The following PINK1 variants were observed in gnomAD, a reference collection of about 807,000 sequenced individuals.
PINK1 encodes serine/threonine-protein kinase PINK1, mitochondrial.
PINK1 carries 58 observed loss-of-function variants against 56.0 expected under a neutral mutation model. The ratio of observed to expected loss-of-function variants is 1.04; its 90% CI spans 0.84 to 1.29. The LOEUF (loss-of-function observed/expected upper bound fraction) is 1.29. Among genes scored for constraint, PINK1 ranks in the 50% most tolerant of loss-of-function variants. The probability of loss-of-function intolerance (pLI) is 0.00; values close to 1 mark genes in which losing one functional copy is unlikely to be tolerated. For missense variants in PINK1, 745 were observed against 777.9 expected (o/e 0.96, Z 0.50); for synonymous variants, 354 against 339.3 (o/e 1.04, Z -0.48).
chr1:20,643,262 AG>A (rs1156699089), intron 3 of PINK1: 1 of 152,232 alleles, frequency 6.6e-6, no homozygotes, highest in Non-Finnish European at 1.5e-5. Context: ...CTTTGGCTGA[AG>A]GGCAGGGCTG....
chr1:20,650,865 C>T lies in PINK1; in HGVS notation c.*174C>T, dbSNP rs2053262968. 3.6e-6 allele frequency: 3 copies of T among 830,076 alleles called. No homozygotes were observed. The highest frequency in any genetic ancestry group is 5.7e-6 in the Non-Finnish European group (3 of 523,144). The allele number at this position is 830,076 out of a possible 1,614,324, so 51.4% of individuals were successfully genotyped here. A position where few individuals can be genotyped will look rare whatever the true frequency, so the allele number is the denominator to read the frequency against. ...AGAACTTGAGTGAGAGTTCAGTCTG[C>T]AGTCCTCTGCTCACAGACATCTGAA... On this transcript the variant is annotated 3_prime_UTR_variant, in exon 8 of 8. Transcript: ENST00000321556.
At chr1:20,642,023 C>G (rs879089) in intron 3 of PINK1, among the ~76,000 whole-genome samples, 12 of 152,058 alleles carry the variant, frequency 7.9e-5, no homozygotes, top group Admixed American at 7.9e-4. Flanking sequence ...AGGGTGGAAA[C>G]GATGCTCTGG....
At chr1:20,646,304 A>C (rs1212383038) in intron 5 of PINK1, among the ~76,000 whole-genome samples, 2 of 152,012 alleles carry the variant, frequency 1.3e-5, no homozygotes, top group Non-Finnish European at 1.5e-5. Context: ...TCAAAAAAAT[A>C]ATAAAAAATA....
chr1:20,645,087 T>C (rs1298119208), intron 4 of PINK1, among the ~76,000 whole-genome samples: 2 of 152,184 alleles, frequency 1.3e-5, no homozygotes, highest in African/African-American at 2.4e-5. Flanking sequence ...TCTTACTTCC[T>C]AATTTGAGGA....
Position 20,636,648 on chromosome 1 carries a change from T to G in PINK1, c.388-1194T>G, listed in dbSNP as rs1376905280. On this transcript the variant is annotated intron_variant, in intron 1 of 7. Transcript: ENST00000321556. ...TGAGCCACCACGCCCGGCCTGGACT[T>G]TCATTTTTTTAAAAGGTTCAAAGTT... 2.0e-5 allele frequency among the ~76,000 whole-genome samples: 3 copies of G among 152,162 alleles called. No individual in the cohort carries two copies. In the East Asian group the frequency reaches 5.8e-4, roughly 29 times the overall value.
At chr1:20,639,564 A>G (rs2053092856) in intron 2 of PINK1, 1 of 391,822 alleles carries the variant, frequency 2.6e-6, no homozygotes. Context: ...CCAGTGGTCA[A>G]TTTTGAACTG....
chr1:20,643,440 G>A (rs930717063), intron 3 of PINK1, among the ~76,000 whole-genome samples: 1 of 152,212 alleles, frequency 6.6e-6, no homozygotes, highest in Admixed American at 6.5e-5. Context: ...ATTCAACAAA[G>A]GTTTATTACA....
At position 20,637,859 on chromosome 1, in the gene PINK1, A is replaced by G. The variant is rs1371490075; in HGVS notation, c.405A>G (p.Lys135=). 1 of 1,614,010 alleles carries G rather than the reference A, an allele frequency of 6.2e-7. No homozygotes were observed. The highest frequency in any genetic ancestry group is 8.5e-7 in the Non-Finnish European group (1 of 1,180,048). Residue 135 remains lysine (K), a synonymous_variant, in exon 2 of 8, where the codon AAA becomes AAG. Coordinates refer to ENST00000321556, the MANE Select transcript of PINK1 (RefSeq NM_032409.3). ...CQEIQAIFTQ[K]SKPGPDPLDT... is the part of the protein sequence containing the mutation. ...CATCACAGGCAATTTTTACCCAGAA[A>G]AGCAAGCCGGGGCCTGACCCGTTGG... is the stretch of plus-strand genomic sequence containing the variant.
In PINK1 at chr1:20,641,865, C is replaced by T. The variant is rs1427183896; in HGVS notation, c.776+1873C>T. Among the ~76,000 whole-genome samples the T allele has an allele frequency of 1.3e-5, 2 of 152,182 alleles. No homozygotes were observed. The highest frequency in any genetic ancestry group is 2.9e-5 in the Non-Finnish European group (2 of 68,050). ...AGCTGGCTATACCTGGGCTGCCCTCCTCCCACATTTCAGGTCTCAGTTCAG... is the reference window on the plus strand; with the variant it reads ...AGCTGGCTATACCTGGGCTGCCCTCTTCCCACATTTCAGGTCTCAGTTCAG... On this transcript the variant is annotated intron_variant, in intron 3 of 7. Coordinates refer to ENST00000321556, the MANE Select transcript of PINK1 (RefSeq NM_032409.3). The surrounding 1 kb of genome is among the most constrained non-coding windows in gnomAD (Gnocchi z 4.0).
intron 4 of PINK1, 32 bp from the exon 5 acceptor site, chr1:20,645,528 G>A (rs1279768664): frequency 6.2e-7 from 1 of 1,604,018 alleles, no homozygotes; most frequent in East Asian, 2.2e-5. Context: ...GTCGATGTGT[G>A]GTAGCCAGAG....
chr1:20,648,227 T>C, intron 5 of PINK1: 1 of 480,452 alleles, frequency 2.1e-6, no homozygotes, highest in South Asian at 2.1e-5. Flanking sequence ...CTAGCTCCTT[T>C]GGTCTTGGGG....
intron 2 of PINK1, 65 bp from the exon 3 acceptor site, chr1:20,639,827 G>A (rs1382830491): frequency 1.4e-6 from 2 of 1,452,612 alleles, no homozygotes; most frequent in African/African-American, 2.8e-5. Context: ...TACAGGCAGG[G>A]CTTACAAGGA....
intron 6 of PINK1, 179 bp from the exon 7 acceptor site, chr1:20,648,816 G>A: frequency 3.9e-6 from 5 of 1,279,238 alleles, no homozygotes; most frequent in African/African-American, 1.5e-5. Flanking sequence ...GAGAATGCAA[G>A]TCCTGTCACA....
chr1:20,633,468 C>A lies in PINK1; in HGVS notation c.-81C>A. 4.7e-6 allele frequency: 5 copies of A among 1,057,334 alleles called. No individual in the cohort carries two copies. Among genetic ancestry groups the A allele is most frequent in the Non-Finnish European group, 5.7e-6 (5 of 873,326 alleles). The allele number at this position is 1,057,334 out of a possible 1,614,324, so 65.5% of individuals were successfully genotyped here. ...CGCCTGCGCCTGCGCAGAGGCACCG[C>A]CCCAAGTTTGTTGTGACCGGCGGGG... On this transcript the variant is annotated 5_prime_UTR_variant, in exon 1 of 8. Coordinates refer to ENST00000321556, the MANE Select transcript of PINK1 (RefSeq NM_032409.3).
chr1:20,644,564 C>A lies in PINK1; in HGVS notation c.851C>A (p.Ser284Tyr), dbSNP rs113092523. Reference protein sequence around the residue: ...IIRVLRAFTSSVPLLPGALVD... With the variant: ...IIRVLRAFTSYVPLLPGALVD... ...CGGGTTCTCCGCGCCTTCACCTCTT[C>A]CGTGCCGCTGCTGCCAGGGGCCCTG... Residue 284 changes from serine (S) to tyrosine (Y), a missense_variant, in exon 4 of 8, where the codon TCC (serine) becomes TAC (tyrosine). Transcript: ENST00000321556. 197 of 1,614,266 alleles carry A rather than the reference C, an allele frequency of 1.2e-4. 3 individuals are homozygous for A. The African/African-American group carries it at 2.0e-3, about 17-fold the overall frequency.
At position 20,650,727 on chromosome 1, in the gene PINK1, C is replaced by G. The variant is rs758589344; in HGVS notation, c.*36C>G. 18 of 1,607,184 alleles carry G rather than the reference C, an allele frequency of 1.1e-5. 1 individual carries two copies. The East Asian group carries it at 3.6e-4, about 32-fold the overall frequency. ...TGGAGCTGGTGAATTACTAAAAGAA[C>G]ATGGCATCCTCTGTGTCGTGATGGT... On this transcript the variant is annotated 3_prime_UTR_variant, in exon 8 of 8. Coordinates refer to ENST00000321556, the MANE Select transcript of PINK1 (RefSeq NM_032409.3).
intron 6 of PINK1, 180 bp downstream of exon 6, chr1:20,648,812 G>C (rs2053221760): frequency 7.7e-7 from 1 of 1,292,454 alleles, no homozygotes; most frequent in Non-Finnish European, 1.1e-6. Flanking sequence ...CCAGGAGAAT[G>C]CAAGTCCTGT....
chr1:20,649,361 C>A, intron 7 of PINK1, 130 bp downstream of exon 7: 4 of 963,992 alleles, frequency 4.1e-6, no homozygotes, highest in African/African-American at 1.6e-5. Flanking sequence ...AGGCTAGTTA[C>A]AAGAGAACAA....
At chr1:20,644,447 A>G in intron 3 of PINK1, 43 bp from the exon 4 acceptor site, 2 of 1,596,012 alleles carry the variant, frequency 1.3e-6, no homozygotes, top group Non-Finnish European at 1.7e-6. Flanking sequence ...CAGGTGTTGT[A>G]TCTGATGCTG....
Sources: allele counts gnomAD v4.1 joint callset (sites outside exome capture counted in the v4.1 genomes callset), GRCh38; gene constraint gnomAD v4.1.1; non-coding constraint Gnocchi (gnomAD v3.1); transcripts MANE v1.5; gene names NCBI Gene and HGNC (gene_info 2026-07-23, HGNC 2026-07-21).